The following MTNAP1 variants were observed in gnomAD, a reference collection of about 807,000 sequenced individuals.
MTNAP1 encodes the protein mitochondrial nucleoid associated protein 1, also known as mitochondrial nucleoid-associated protein 1.
At chr17:73,248,302 G>T in the MTNAP1 span, 1 of 595,912 alleles carries the variant, frequency 1.7e-6, no homozygotes, top group South Asian at 2.0e-5. Flanking sequence ...GTACGCTTCA[G>T]GTGTGAGGCG....
the MTNAP1 span, chr17:73,232,471 T>C: frequency 1.6e-6 from 1 of 642,048 alleles, no homozygotes; most frequent in Middle Eastern, 4.4e-4. Flanking sequence ...AGCGCTCGCC[T>C]GTTCACAGCC....
the MTNAP1 span, chr17:73,248,468 G>C: frequency 1.4e-3 from 2,095 of 1,550,492 alleles, 3 homozygotes; most frequent in Non-Finnish European, 1.7e-3. Flanking sequence ...TGGCATTGGA[G>C]TGCCCCGCTA....
At chr17:73,236,967 C>T in the MTNAP1 span, 14 of 1,595,032 alleles carry the variant, frequency 8.8e-6, no homozygotes, top group Middle Eastern at 3.3e-4. Flanking sequence ...CACAACTTAT[C>T]AGTCCCCAGG....
At chr17:73,248,529 G>A in the MTNAP1 span, 1,584 of 1,551,638 alleles carry the variant, frequency 1.0e-3, 11 homozygotes, top group East Asian at 0.011. Flanking sequence ...TTGAATTCCC[G>A]AATCTTCCTG....
chr17:73,238,188 T>C, the MTNAP1 span, among the ~76,000 whole-genome samples: 8 of 152,350 alleles, frequency 5.3e-5, no homozygotes, highest in African/African-American at 1.7e-4. Flanking sequence ...CTGCTGAATC[T>C]CATCTTTAGT....
At chr17:73,245,466 T>G in the MTNAP1 span, 1 of 1,119,100 alleles carries the variant, frequency 8.9e-7, no homozygotes, top group Non-Finnish European at 1.1e-6. Context: ...AACCATAAAG[T>G]TGTTATTCAA....
At chr17:73,242,071 C>CTGTAATTG in the MTNAP1 span, among the ~76,000 whole-genome samples, 2 of 152,188 alleles carry the variant, frequency 1.3e-5, no homozygotes, top group African/African-American at 2.4e-5. Context: ...TTTTTTCAAC[C>CTGTAATTG]TGTAATTGAT....
the MTNAP1 span, among the ~76,000 whole-genome samples, chr17:73,240,509 T>C: frequency 4.6e-5 from 7 of 152,344 alleles, no homozygotes; most frequent in East Asian, 1.9e-4. Flanking sequence ...GATGGTGCCA[T>C]TGGCTCCTTA....
At chr17:73,245,720 G>A in the MTNAP1 span, 2 of 985,256 alleles carry the variant, frequency 2.0e-6, no homozygotes, top group Non-Finnish European at 2.4e-6. Flanking sequence ...GGGCATTCGA[G>A]TTGCAGGTAA....
the MTNAP1 span, chr17:73,245,656 T>C: frequency 8.1e-6 from 8 of 985,384 alleles, no homozygotes; most frequent in Non-Finnish European, 9.6e-6. Context: ...CTTAGTTTCT[T>C]TGGGGCCCTT....
chr17:73,236,845 A>G, the MTNAP1 span: 1 of 1,613,716 alleles, frequency 6.2e-7, no homozygotes, highest in Non-Finnish European at 8.5e-7. Context: ...TGGCAGGAAG[A>G]CTCTTCGCAG....
chr17:73,233,860 A>G, the MTNAP1 span, among the ~76,000 whole-genome samples: 78,102 of 151,006 alleles, frequency 0.52, 20,281 homozygotes, highest in East Asian at 0.62. Context: ...GTGATAGAGC[A>G]AGACTCCATC....
the MTNAP1 span, among the ~76,000 whole-genome samples, chr17:73,241,455 G>A: frequency 2.6e-5 from 4 of 152,108 alleles, no homozygotes; most frequent in African/African-American, 9.7e-5. Flanking sequence ...ACCGCGCCCG[G>A]CCTGCATAAG....
chr17:73,241,618 T>C, the MTNAP1 span, among the ~76,000 whole-genome samples: 9 of 152,172 alleles, frequency 5.9e-5, no homozygotes, highest in Admixed American at 5.9e-4. Flanking sequence ...TTAGCTGACA[T>C]GTTTAGCAGA....
chr17:73,237,390 G>A, the MTNAP1 span, among the ~76,000 whole-genome samples: 63 of 152,126 alleles, frequency 4.1e-4, no homozygotes, highest in Non-Finnish European at 7.6e-4. Flanking sequence ...AGCCGAGTAT[G>A]TGCCACTTCA....
chr17:73,242,500 AT>A, the MTNAP1 span: 1 of 534,088 alleles, frequency 1.9e-6, no homozygotes. Context: ...GTCTGTGTTC[AT>A]TTTGGAGTTG....
chr17:73,243,087 T>TG, the MTNAP1 span: 4,846 of 909,116 alleles, frequency 5.3e-3, 16 homozygotes, highest in Non-Finnish European at 6.2e-3. Context: ...ATTTTTTTTT[T>TG]TTTTTTTTTT....
At chr17:73,245,844 G>A in the MTNAP1 span, 1 of 490,086 alleles carries the variant, frequency 2.0e-6, no homozygotes, top group Non-Finnish European at 2.6e-6. Context: ...TGAACCGGTG[G>A]CTAATGTATC....
chr17:73,233,356 T>C, the MTNAP1 span: 8 of 152,170 alleles, frequency 5.3e-5, no homozygotes, highest in African/African-American at 1.9e-4. Context: ...GTATAGACGT[T>C]ATCGTGGGAA....
Sources: gnomAD v4.1 joint callset for allele counts (sites outside exome capture counted in the v4.1 genomes callset) on GRCh38, gnomAD v4.1.1 for gene constraint, MANE v1.5 for transcripts, NCBI Gene and HGNC (gene_info 2026-07-23, HGNC 2026-07-21) for gene names.